Variants in TNIK observed in about 807,000 individuals in gnomAD.
The protein encoded by TNIK is TRAF2 and NCK interacting kinase, also known as TRAF2 and NCK-interacting protein kinase.
In TNIK, 49 loss-of-function variants were observed where a neutral mutation model predicts 191.3. The observed-to-expected ratio is 0.26, with a 90% confidence interval of 0.20 to 0.32. TNIK has a LOEUF of 0.32. TNIK is among the 10% of genes least tolerant of loss of function. The pLI is 1.00. For missense variants in TNIK, 1,155 were observed against 1,702.3 expected (o/e 0.68, Z 5.66); for synonymous variants, 594 against 600.9 (o/e 0.99, Z 0.17).
chr3:171,395,249 T>A (rs1229026652), intron 1 of TNIK, among the ~76,000 whole-genome samples: 1 of 152,204 alleles, frequency 6.6e-6, no homozygotes, highest in African/African-American at 2.4e-5. Context: ...TCCGGATCTA[T>A]CCCTCGCTAA....
intron 2 of TNIK, among the ~76,000 whole-genome samples, chr3:171,290,737 T>C (rs1751592048): frequency 6.6e-6 from 1 of 152,202 alleles, no homozygotes. Context: ...ATCACCATAA[T>C]GACTGAATGT....
At chr3:171,064,539 C>T (rs944937630) in intron 32 of TNIK, among the ~76,000 whole-genome samples, 2 of 152,172 alleles carry the variant, frequency 1.3e-5, no homozygotes, top group Non-Finnish European at 1.5e-5. Flanking sequence ...TTTGGCATTT[C>T]AAGAGTTAAC....
At chr3:171,352,182 A>G (rs538890802) in intron 2 of TNIK, among the ~76,000 whole-genome samples, 21 of 152,336 alleles carry the variant, frequency 1.4e-4, no homozygotes, top group Non-Finnish European at 2.5e-4. Context: ...ACACAAATGC[A>G]AAATTGGGCT....
intron 2 of TNIK, among the ~76,000 whole-genome samples, chr3:171,350,961 T>C (rs1321321296): frequency 2.0e-5 from 3 of 152,122 alleles, no homozygotes; most frequent in Non-Finnish European, 4.4e-5. Flanking sequence ...TCATATATTC[T>C]TTTTTCTTAA....
chr3:171,165,416 A>AG (rs199996312), intron 10 of TNIK, among the ~76,000 whole-genome samples: 12,313 of 96,300 alleles, frequency 0.13, 667 homozygotes, highest in African/African-American at 0.33. Flanking sequence ...AACTCATCTC[A>AG]AAAAAAAAAA....
chr3:171,115,842 C>G (rs923016269), intron 18 of TNIK, among the ~76,000 whole-genome samples: 2 of 152,164 alleles, frequency 1.3e-5, no homozygotes, highest in Non-Finnish European at 2.9e-5. Flanking sequence ...GATGATGAGG[C>G]CTGGGCAGTG....
chr3:171,119,348 G>A (rs1727295584), intron 18 of TNIK, among the ~76,000 whole-genome samples: 1 of 152,222 alleles, frequency 6.6e-6, no homozygotes, highest in African/African-American at 2.4e-5. Flanking sequence ...TGGTGGGACT[G>A]TAAACTAGTT....
At chr3:171,392,662 C>G (rs1719694699) in intron 1 of TNIK, among the ~76,000 whole-genome samples, 1 of 151,496 alleles carries the variant, frequency 6.6e-6, no homozygotes, top group South Asian at 2.1e-4. Context: ...TGCCTGTAAT[C>G]CCAGCTACTC....
chr3:171,078,344 T>C (rs1331100012), intron 28 of TNIK, among the ~76,000 whole-genome samples: 1 of 152,182 alleles, frequency 6.6e-6, no homozygotes, highest in East Asian at 1.9e-4. Flanking sequence ...ATATTTTCTC[T>C]GCTTTGCTTT....
At position 171,140,461 on chromosome 3, in the gene TNIK, G is replaced by T; in HGVS notation, c.1270C>A (p.Arg424Ser). Residue 424 changes from arginine (R) to serine (S), a missense_variant, in exon 13 of 33, where the codon CGC (arginine) becomes AGC (serine). Arg to Ser is a moderately radical substitution (Grantham distance 110, BLOSUM62 -1). Transcript: ENST00000436636. ...ELRKQQEREQ[R>S]RHYEEQMRRE... ...CGCATCTGCTCCTCATAGTGCCGGC[G>T]CTGCTCCCTCTCCTGCTGCTTCCGC... is the stretch of plus-strand genomic sequence containing the variant. 6.2e-7 allele frequency: 1 copy of T among 1,612,780 alleles called. No homozygotes were observed.
intron 18 of TNIK, among the ~76,000 whole-genome samples, chr3:171,119,781 A>C (rs1390268095): frequency 6.7e-6 from 1 of 150,258 alleles, no homozygotes; most frequent in African/African-American, 2.5e-5. Context: ...GGAACATCAC[A>C]TACCGGGGCC....
At chr3:171,265,045 GCA>G (rs1748201267) in intron 2 of TNIK, among the ~76,000 whole-genome samples, 1 of 152,146 alleles carries the variant, frequency 6.6e-6, no homozygotes, top group Non-Finnish European at 1.5e-5. Context: ...GCATGGCATG[GCA>G]CACAAAATGA....
chr3:171,336,333 A>C (rs1239022437), intron 2 of TNIK, among the ~76,000 whole-genome samples: 2 of 152,148 alleles, frequency 1.3e-5, no homozygotes, highest in Non-Finnish European at 2.9e-5. Flanking sequence ...ACAACTGAGC[A>C]CACTCTTAAC....
chr3:171,203,616 C>A (rs1739689535), intron 4 of TNIK, among the ~76,000 whole-genome samples: 1 of 152,214 alleles, frequency 6.6e-6, no homozygotes, highest in South Asian at 2.1e-4. Context: ...ACCACCACCA[C>A]CTTATGTGAA....
chr3:171,135,303 G>A (rs2108610009), intron 15 of TNIK, among the ~76,000 whole-genome samples: 1 of 152,320 alleles, frequency 6.6e-6, no homozygotes, highest in Non-Finnish European at 1.5e-5. Context: ...CACTGCTGAT[G>A]AGAAGCATTA....
chr3:171,390,243 C>A (rs1719291342), intron 1 of TNIK, among the ~76,000 whole-genome samples: 1 of 152,136 alleles, frequency 6.6e-6, no homozygotes. Flanking sequence ...TGGAAGAGAT[C>A]CCGGGTAATT....
Position 171,216,962 on chromosome 3 carries a change from G to T in TNIK, c.181-5721C>A, listed in dbSNP as rs1308714753. Among the ~76,000 whole-genome samples, 3 of 151,984 alleles carry T rather than the reference G, an allele frequency of 2.0e-5. No homozygotes were observed. The East Asian group carries it at 5.8e-4, about 29-fold the overall frequency. On this transcript the variant is annotated intron_variant, in intron 3 of 32. Coordinates refer to ENST00000436636, the MANE Select transcript of TNIK (RefSeq NM_015028.4). Reference sequence around the variant, plus strand: ...ACTTTGCCAGGACATTCTGCAGGCAGCACCTGGATTTGCTGTATATGTTAA... The same window carrying T: ...ACTTTGCCAGGACATTCTGCAGGCATCACCTGGATTTGCTGTATATGTTAA...
chr3:171,274,179 C>A (rs1277612008), intron 2 of TNIK, among the ~76,000 whole-genome samples: 1 of 152,166 alleles, frequency 6.6e-6, no homozygotes, highest in Non-Finnish European at 1.5e-5. Context: ...AAACGCTTAA[C>A]AAAGGGAAAG....
intron 11 of TNIK, among the ~76,000 whole-genome samples, 178 bp from the exon 12 acceptor site, chr3:171,157,842 G>A (rs987344136): frequency 3.3e-5 from 5 of 152,170 alleles, no homozygotes; most frequent in Non-Finnish European, 5.9e-5. Context: ...ATCAGGATAA[G>A]AGACCTGCCT....
Sources: gnomAD v4.1 joint callset for allele counts (sites outside exome capture counted in the v4.1 genomes callset) on GRCh38, gnomAD v4.1.1 for gene constraint, MANE v1.5 for transcripts, NCBI Gene and HGNC (gene_info 2026-07-23, HGNC 2026-07-21) for gene names.